Variants in PAPSS2 observed in about 807,000 individuals in gnomAD.
PAPSS2 encodes the protein 3'-phosphoadenosine 5'-phosphosulfate synthase 2, also known as bifunctional 3'-phosphoadenosine 5'-phosphosulfate synthase 2.
A neutral mutation model predicts 66.5 loss-of-function variants in PAPSS2; 61 were observed. The ratio of observed to expected loss-of-function variants is 0.92; its 90% confidence interval spans 0.75 to 1.14. PAPSS2 has a LOEUF of 1.14. PAPSS2 is among the 50% of genes most tolerant of loss of function. PAPSS2 has a pLI of 0.00. For missense variants in PAPSS2, 708 were observed against 789.6 expected, an observed-to-expected ratio of 0.90 and a Z score of 1.24; for synonymous variants, 289 against 287.5, an observed-to-expected ratio of 1.01 and a Z score of -0.05.
Position 87,727,480 on chromosome 10 carries a change from C to A in PAPSS2, c.1077C>A (p.Pro359=). The change falls in exon 9 of 13, where the codon CCC becomes CCA. Residue 359 remains proline (P), a synonymous_variant. Transcript: ENST00000456849. Reference sequence around the variant, plus strand: ...GGGGGACAACATGTACAAAACACCCCCATATCAAAGTAAGTCACAAAACCT... The same window carrying A: ...GGGGGACAACATGTACAAAACACCCACATATCAAAGTAAGTCACAAAACCT... ...RVWGTTCTKH[P]HIKMVMESGD... 1 of 1,611,234 alleles carries A rather than the reference C, an allele frequency of 6.2e-7. No individual in the cohort carries two copies.
chr10:87,731,511 T>C (rs79851740), intron 9 of PAPSS2, among the ~76,000 whole-genome samples: 2,597 of 152,298 alleles, frequency 0.017, 39 homozygotes, highest in Middle Eastern at 0.027. Context: ...TTTGTAAGGG[T>C]ATAGCTGCTC....
chr10:87,716,269 A>T (rs906651257), intron 7 of PAPSS2, among the ~76,000 whole-genome samples: 11 of 152,198 alleles, frequency 7.2e-5, no homozygotes, highest in African/African-American at 2.4e-4. Context: ...CATTATTGCA[A>T]CAACTGCTTT....
At chr10:87,675,908 T>C (rs900060625) in intron 1 of PAPSS2, among the ~76,000 whole-genome samples, 1 of 151,714 alleles carries the variant, frequency 6.6e-6, no homozygotes, top group African/African-American at 2.4e-5. Context: ...GTAACATGCC[T>C]GAGGGCCACC....
intron 7 of PAPSS2, among the ~76,000 whole-genome samples, chr10:87,719,690 C>T (rs754531622): frequency 5.9e-5 from 9 of 152,088 alleles, no homozygotes; most frequent in Admixed American, 1.3e-4. Context: ...ATACGATGTT[C>T]GTCAGCTAGC....
intron 11 of PAPSS2, 107 bp from the exon 12 acceptor site, chr10:87,744,895 C>T: frequency 1.1e-6 from 1 of 917,562 alleles, no homozygotes; most frequent in South Asian, 1.4e-5. Flanking sequence ...TCTTAGTTGA[C>T]TCACATTGCT....
At chr10:87,745,790 T>C in intron 12 of PAPSS2, 42 bp from the exon 13 acceptor site, 1 of 1,609,406 alleles carries the variant, frequency 6.2e-7, no homozygotes. Flanking sequence ...AAGGCAGATA[T>C]CATTTACCTA....
In PAPSS2 at chr10:87,745,925, A is replaced by C. The variant is rs1479651978; in HGVS notation, c.1815A>C (p.Ala605=). The change falls in exon 13 of 13, where the codon GCA becomes GCC. Residue 605 remains alanine, a synonymous_variant. Coordinates refer to ENST00000456849, the MANE Select transcript of PAPSS2 (RefSeq NM_001015880.2). ...NPPDGFMAPK[A]WKVLTDYYRS... is the part of the protein sequence containing the mutation. ...CAGATGGCTTCATGGCCCCCAAAGC[A>C]TGGAAGGTCCTGACAGATTATTACA... 1 of 1,614,142 alleles carries C rather than the reference A, an allele frequency of 6.2e-7. No individual in the cohort carries two copies. Among genetic ancestry groups the C allele is most frequent in the Admixed American group, 1.7e-5 (1 of 60,012 alleles).
Position 87,713,229 on chromosome 10 carries a change from C to T in PAPSS2, c.300C>T (p.Ile100=), listed in dbSNP as rs1853485273. The stretch of plus-strand genomic sequence containing the variant: ...CTCCTGGGGACAGAGAGGAAAATAT[C>T]CGCCGGATTGCTGAGGTGGCTAAGC... ...GFSPGDREEN[I]RRIAEVAKLF... is the part of the protein sequence containing the mutation. Residue 100 remains isoleucine (I), a synonymous_variant, in exon 3 of 13, where the codon ATC becomes ATT. Coordinates refer to ENST00000456849, the MANE Select transcript of PAPSS2 (RefSeq NM_001015880.2). 1.2e-6 allele frequency: 2 copies of T among 1,606,340 alleles called. No homozygotes were observed. The highest frequency in any genetic ancestry group is 1.7e-6 in the Non-Finnish European group (2 of 1,177,962).
chr10:87,745,719 A>G, intron 12 of PAPSS2, 113 bp from the exon 13 acceptor site: 1 of 1,044,526 alleles, frequency 9.6e-7, no homozygotes, highest in Non-Finnish European at 1.5e-6. Flanking sequence ...ACTTTTGAAG[A>G]TGCAGCATTT....
In PAPSS2 at chr10:87,729,170, ATTACAGGCATACCTCAT is replaced by A. The variant is rs1251914028; in HGVS notation, c.1086+1684_1086+1700del. On this transcript the variant is annotated intron_variant, in intron 9 of 12. Coordinates refer to ENST00000456849, the MANE Select transcript of PAPSS2 (RefSeq NM_001015880.2). ...AAAAACCTGAAGAGTTTCTTAAGTG[ATTACAGGCATACCTCAT>A]TTTACTATGCTTCACTTTATCGTGC... 2.0e-5 allele frequency among the ~76,000 whole-genome samples: 3 copies of A among 151,900 alleles called. No individual in the cohort carries two copies. The East Asian group carries it at 5.8e-4, about 29-fold the overall frequency.
In PAPSS2 at chr10:87,727,466, T is replaced by C. The variant is rs745360414; in HGVS notation, c.1063T>C (p.Cys355Arg). 4 of 1,613,456 alleles carry C rather than the reference T, an allele frequency of 2.5e-6. No individual in the cohort carries two copies. The highest frequency in any genetic ancestry group is 3.4e-6 in the Non-Finnish European group (4 of 1,179,676). Residue 355 changes from cysteine (C) to arginine (R), a missense_variant, in exon 9 of 13, where the codon TGT (cysteine) becomes CGT (arginine). Transcript: ENST00000456849. The stretch of plus-strand genomic sequence containing the variant: ...CTGTTCCCGTGTTTGGGGGACAACA[T>C]GTACAAAACACCCCCATATCAAAGT... ...ERCSRVWGTT[C>R]TKHPHIKMVM...
Position 87,736,748 on chromosome 10 carries a change from A to C in PAPSS2, c.1087-4487A>C, listed in dbSNP as rs143238118. Among the ~76,000 whole-genome samples the C allele has an allele frequency of 3.9e-5, 6 of 152,330 alleles. No individual in the cohort carries two copies. The East Asian group carries it at 1.2e-3, about 29-fold the overall frequency. ...CTACTTTGACAACTATGCCTTAATC[A>C]CAAACTGGAAAGCCAGGTTCAAATA... On this transcript the variant is annotated intron_variant, in intron 9 of 12. Transcript: ENST00000456849.
At chr10:87,691,023 G>T (rs1258266836) in intron 1 of PAPSS2, among the ~76,000 whole-genome samples, 1 of 152,134 alleles carries the variant, frequency 6.6e-6, no homozygotes, top group East Asian at 1.9e-4. Flanking sequence ...AGGGGCAAGA[G>T]TTTCTATCTT....
At chr10:87,699,876 A>G (rs1432157809) in intron 1 of PAPSS2, among the ~76,000 whole-genome samples, 1 of 151,426 alleles carries the variant, frequency 6.6e-6, no homozygotes, top group Non-Finnish European at 1.5e-5. Flanking sequence ...GAAATTCTTT[A>G]TATTTTAAAT....
In PAPSS2 at chr10:87,736,432, T is replaced by G. The variant is rs7921963; in HGVS notation, c.1087-4803T>G. Among the ~76,000 whole-genome samples, 813 of 152,036 alleles carry G rather than the reference T, an allele frequency of 5.3e-3. 5 individuals carry two copies. Among genetic ancestry groups the G allele is most frequent in the African/African-American group, 0.019 (779 of 41,466 alleles). Reference sequence around the variant, plus strand: ...ACAGGTGCCCGCCACCAGGCCTGGCTATTTTTTATATTTTTAGTAGAGACA... The same window carrying G: ...ACAGGTGCCCGCCACCAGGCCTGGCGATTTTTTATATTTTTAGTAGAGACA... On this transcript the variant is annotated intron_variant, in intron 9 of 12. Coordinates refer to ENST00000456849, the MANE Select transcript of PAPSS2 (RefSeq NM_001015880.2).
chr10:87,663,106 C>CTTTTTTTTTTTT (rs1184871976), intron 1 of PAPSS2, among the ~76,000 whole-genome samples: 1 of 67,606 alleles, frequency 1.5e-5, no homozygotes, highest in Non-Finnish European at 2.6e-5. Context: ...GAAGTAGCCA[C>CTTTTTTTTTTTT]TTTTTTTTTT....
chr10:87,679,554 T>C (rs936710843), intron 1 of PAPSS2, among the ~76,000 whole-genome samples: 1 of 151,944 alleles, frequency 6.6e-6, no homozygotes, highest in Non-Finnish European at 1.5e-5. Flanking sequence ...CCTGTAAGTA[T>C]GTAAAATATA....
chr10:87,742,021 G>C (rs1164195545), intron 10 of PAPSS2, among the ~76,000 whole-genome samples: 1 of 152,162 alleles, frequency 6.6e-6, no homozygotes, highest in Non-Finnish European at 1.5e-5. Context: ...GCCTCCCAAA[G>C]TGCTGGGATT....
At chr10:87,742,200 T>C (rs1853878740) in intron 10 of PAPSS2, among the ~76,000 whole-genome samples, 2 of 152,234 alleles carry the variant, frequency 1.3e-5, no homozygotes, top group Admixed American at 1.3e-4. Flanking sequence ...TATTCACTGA[T>C]AGAGATAGCT....
Sources: gnomAD v4.1 joint callset for allele counts (sites outside exome capture counted in the v4.1 genomes callset) on GRCh38, gnomAD v4.1.1 for gene constraint, MANE v1.5 for transcripts, NCBI Gene and HGNC (gene_info 2026-07-23, HGNC 2026-07-21) for gene names.